The following ADK variants were observed in gnomAD, a reference collection of about 807,000 sequenced individuals.
ADK encodes the protein N6,N6-dimethyladenosine kinase.
In ADK, 24 loss-of-function variants were observed where a neutral mutation model predicts 44.7. The ratio of observed to expected loss-of-function variants is 0.54; its 90% CI spans 0.39 to 0.76. The LOEUF (loss-of-function observed/expected upper bound fraction) is 0.76, where lower values mean the gene tolerates loss of function less well. ADK is among the 30% of genes least tolerant of loss of function. ADK has a pLI of 0.00. For synonymous variants in ADK, 128 were observed against 142.6 expected (o/e 0.90, Z 0.73); for missense variants, 321 against 425.1 (o/e 0.76, Z 2.15).
chr10:74,433,177 T>C (rs1313834798), intron 6 of ADK, among the ~76,000 whole-genome samples: 1 of 152,208 alleles, frequency 6.6e-6, no homozygotes, highest in African/African-American at 2.4e-5. Context: ...ATCAGAAATG[T>C]CATAATCTCA....
intron 3 of ADK, among the ~76,000 whole-genome samples, chr10:74,263,343 A>G (rs1262694991): frequency 6.6e-6 from 1 of 152,216 alleles, no homozygotes; most frequent in Non-Finnish European, 1.5e-5. Flanking sequence ...GATGGATGTT[A>G]GTAAGCTGTG....
At chr10:74,545,394 C>G (rs948852433) in intron 7 of ADK, among the ~76,000 whole-genome samples, 11 of 152,066 alleles carry the variant, frequency 7.2e-5, no homozygotes, top group African/African-American at 2.4e-4. Flanking sequence ...TTCGTGGTAC[C>G]CTTATACTAA....
In ADK at chr10:74,708,409, T is replaced by C; in HGVS notation, c.1053T>C (p.Thr351=). Reference sequence around the variant, plus strand: ...CAGCAAGCATCATAATTAGACGGACTGGCTGCACCTTTCCTGAGAAGCCAG... The same window carrying C: ...CAGCAAGCATCATAATTAGACGGACCGGCTGCACCTTTCCTGAGAAGCCAG... ...HYAASIIIRR[T]GCTFPEKPDF... is the part of the protein sequence containing the mutation. Residue 351 remains threonine, a synonymous_variant, in exon 11 of 11, where the codon ACT becomes ACC. Transcript: ENST00000539909. The C allele has an allele frequency of 6.2e-7, 1 of 1,612,670 alleles. No homozygotes were observed.
chr10:74,664,442 A>G (rs1006023412), intron 9 of ADK, among the ~76,000 whole-genome samples: 1 of 152,220 alleles, frequency 6.6e-6, no homozygotes, highest in Non-Finnish European at 1.5e-5. Context: ...AAGGGCAGAG[A>G]TGAGGAGAGG....
chr10:74,495,680 C>T (rs1000792767), intron 6 of ADK, among the ~76,000 whole-genome samples: 1 of 152,136 alleles, frequency 6.6e-6, no homozygotes. Context: ...CTTGGAGTTC[C>T]TGAGTCTGAA....
chr10:74,177,045 C>G lies in ADK; in HGVS notation c.66-23719C>G, dbSNP rs138102852. 4.1e-4 allele frequency among the ~76,000 whole-genome samples: 62 copies of G among 152,364 alleles called. 1 individual carries two copies. Among genetic ancestry groups the G allele is most frequent in the African/African-American group, 1.2e-3 (50 of 41,592 alleles). Reference sequence around the variant, plus strand: ...CTCCGCACTTTTCATTTGGGCATTTCTGCTTTCCTCAGAAGTTTTCGGGTC... The same window carrying G: ...CTCCGCACTTTTCATTTGGGCATTTGTGCTTTCCTCAGAAGTTTTCGGGTC... On this transcript the variant is annotated intron_variant, in intron 1 of 10. Coordinates refer to ENST00000539909, the MANE Select transcript of ADK (RefSeq NM_006721.4).
intron 9 of ADK, among the ~76,000 whole-genome samples, chr10:74,632,695 A>G (rs766374969): frequency 2.0e-5 from 3 of 152,174 alleles, no homozygotes; most frequent in Non-Finnish European, 2.9e-5. Flanking sequence ...ATTAATCTGC[A>G]AAGACTTTAT....
chr10:74,430,168 T>C (rs551801581), intron 6 of ADK, among the ~76,000 whole-genome samples: 4 of 152,294 alleles, frequency 2.6e-5, no homozygotes, highest in Non-Finnish European at 5.9e-5. Context: ...ATTTTTTTTA[T>C]TTTGACATAA....
intron 6 of ADK, among the ~76,000 whole-genome samples, chr10:74,428,572 C>T (rs1273222295): frequency 2.0e-5 from 3 of 152,116 alleles, no homozygotes; most frequent in Admixed American, 6.5e-5. Context: ...AGATATTTTA[C>T]TTACAGTGGC....
intron 1 of ADK, among the ~76,000 whole-genome samples, chr10:74,152,042 G>C (rs549608483): frequency 6.6e-6 from 1 of 152,358 alleles, no homozygotes; most frequent in Non-Finnish European, 1.5e-5. Flanking sequence ...TTCCTAATAA[G>C]TATAAAGTGA....
At chr10:74,588,700 G>A (rs534824970) in intron 7 of ADK, among the ~76,000 whole-genome samples, 16 of 152,276 alleles carry the variant, frequency 1.1e-4, no homozygotes, top group African/African-American at 3.8e-4. Context: ...TTAAAGTGAT[G>A]ACAGCTTGAT....
chr10:74,593,426 G>A (rs912851842), intron 8 of ADK, among the ~76,000 whole-genome samples: 1 of 151,840 alleles, frequency 6.6e-6, no homozygotes, highest in Non-Finnish European at 1.5e-5. Context: ...TCCCATTTTA[G>A]CTATGATGGC....
chr10:74,282,479 C>T (rs899630545), intron 3 of ADK, among the ~76,000 whole-genome samples: 1 of 152,148 alleles, frequency 6.6e-6, no homozygotes, highest in African/African-American at 2.4e-5. Context: ...TTAAAATGTA[C>T]TAAAATATTA....
Position 74,394,211 on chromosome 10 carries a change from T to A in ADK, c.344T>A (p.Ile115Asn). 6.2e-7 allele frequency: 1 copy of A among 1,613,986 alleles called. No individual in the cohort carries two copies. Among genetic ancestry groups the A allele is most frequent in the Non-Finnish European group, 8.5e-7 (1 of 1,179,960 alleles). Reference sequence around the variant, plus strand: ...ATTGGGATAGATAAATTTGGGGAGATCCTGAAGAGAAAAGCTGCTGAAGCC... The same window carrying A: ...ATTGGGATAGATAAATTTGGGGAGAACCTGAAGAGAAAAGCTGCTGAAGCC... Reference protein sequence around the residue: ...GCIGIDKFGEILKRKAAEAHV... With the variant: ...GCIGIDKFGENLKRKAAEAHV... Residue 115 changes from isoleucine (I) to asparagine (N), a missense_variant, in exon 5 of 11, where the codon ATC (isoleucine) becomes AAC (asparagine). Ile to Asn is a moderately radical substitution (Grantham distance 149). Coordinates refer to ENST00000539909, the MANE Select transcript of ADK (RefSeq NM_006721.4).
chr10:74,606,521 C>T (rs925261665), intron 9 of ADK, among the ~76,000 whole-genome samples: 2 of 152,142 alleles, frequency 1.3e-5, no homozygotes, highest in Non-Finnish European at 2.9e-5. Context: ...GCAGATTGTT[C>T]AGTTTCCATG....
chr10:74,515,250 G>C (rs1848519998), intron 6 of ADK, among the ~76,000 whole-genome samples: 1 of 152,122 alleles, frequency 6.6e-6, no homozygotes. Flanking sequence ...CACTCTAGTG[G>C]CATTTGTGAG....
intron 3 of ADK, among the ~76,000 whole-genome samples, chr10:74,267,802 CTGTT>C (rs369509703): frequency 1.8e-4 from 16 of 89,552 alleles, no homozygotes; most frequent in African/African-American, 4.8e-4. Context: ...GTCTGTCTGT[CTGTT>C]TTAGTGGCTC....
rs1853380586 is a variant in ADK at position 74,630,734 on chromosome 10, T to C, written c.877+30241T>C. Among the ~76,000 whole-genome samples the C allele has an allele frequency of 2.6e-5, 4 of 152,324 alleles. No individual in the cohort carries two copies. The South Asian group carries it at 6.2e-4, about 24-fold the overall frequency. On this transcript the variant is annotated intron_variant, in intron 9 of 10. Transcript: ENST00000539909. ...TCTTTCTTATTGAATAAATATCTCATGGGGAGGTACTTCAAGATACGTCTT... is the reference window on the plus strand; with the variant it reads ...TCTTTCTTATTGAATAAATATCTCACGGGGAGGTACTTCAAGATACGTCTT...
chr10:74,270,510 A>C (rs1252278243), intron 3 of ADK, among the ~76,000 whole-genome samples: 1 of 152,164 alleles, frequency 6.6e-6, no homozygotes, highest in African/African-American at 2.4e-5. Context: ...CCATTGTTCC[A>C]CCTCGGCCTC....
Sources: gnomAD v4.1 joint callset for allele counts (sites outside exome capture counted in the v4.1 genomes callset) on GRCh38, gnomAD v4.1.1 for gene constraint, MANE v1.5 for transcripts, NCBI Gene and HGNC (gene_info 2026-07-23, HGNC 2026-07-21) for gene names.